MAML2: variants seen among roughly 807,000 people sequenced by gnomAD.
The protein encoded by MAML2 is mastermind-like protein 2.
A neutral mutation model predicts 96.1 loss-of-function variants in MAML2; 22 were observed. That is an observed-to-expected ratio of 0.23 (90% CI 0.16 to 0.33). The LOEUF is 0.33. MAML2 is among the 10% of genes least tolerant of loss of function. The pLI, the probability that MAML2 is intolerant of heterozygous loss-of-function variation, is 1.00. For missense variants in MAML2, 1,367 were observed against 1,392.4 expected, an observed-to-expected ratio of 0.98 and a Z score of 0.29; for synonymous variants, 561 against 521.3, an observed-to-expected ratio of 1.08 and a Z score of -1.04.
intron 1 of MAML2, among the ~76,000 whole-genome samples, chr11:96,146,644 A>G (rs75036038): frequency 0.1 from 15,780 of 152,212 alleles, 923 homozygotes; most frequent in East Asian, 0.18. Context: ...TTGCCATGAG[A>G]TAGGTACTCA....
intron 1 of MAML2, among the ~76,000 whole-genome samples, chr11:96,259,464 T>G (rs962086877): frequency 2.0e-5 from 3 of 151,932 alleles, no homozygotes; most frequent in African/African-American, 7.3e-5. Context: ...AGTGAAAAAC[T>G]TGTCTCCATC....
At chr11:96,195,792 A>C (rs146240169) in intron 1 of MAML2, among the ~76,000 whole-genome samples, 156 of 152,366 alleles carry the variant, frequency 1.0e-3, no homozygotes, top group African/African-American at 3.5e-3. Context: ...TTAGCAGTTT[A>C]TGAGAAAATT....
At chr11:96,320,302 T>A (rs112104971) in intron 1 of MAML2, among the ~76,000 whole-genome samples, 8 of 152,194 alleles carry the variant, frequency 5.3e-5, no homozygotes, top group Non-Finnish European at 1.2e-4. Context: ...GCTGACACAC[T>A]GGGAGGCTGG....
At chr11:96,126,891 A>G (rs1860447354) in intron 1 of MAML2, among the ~76,000 whole-genome samples, 1 of 146,892 alleles carries the variant, frequency 6.8e-6, no homozygotes, top group East Asian at 1.9e-4. Flanking sequence ...ATGACAGTGC[A>G]TGTGGTATGG....
At chr11:96,166,126 CTCTT>C (rs1388078251) in intron 1 of MAML2, among the ~76,000 whole-genome samples, 9 of 150,092 alleles carry the variant, frequency 6.0e-5, no homozygotes, top group East Asian at 2.0e-4. Context: ...CTCTCTGTCT[CTCTT>C]TCTCTGTCTC....
intron 1 of MAML2, among the ~76,000 whole-genome samples, chr11:96,275,150 G>A (rs537975914): frequency 6.6e-6 from 1 of 151,986 alleles, no homozygotes; most frequent in East Asian, 1.9e-4. Flanking sequence ...TAAAAATGCT[G>A]CAGAGAATAA....
intron 2 of MAML2, among the ~76,000 whole-genome samples, chr11:95,997,313 C>T (rs1475944716): frequency 6.6e-6 from 1 of 152,006 alleles, no homozygotes; most frequent in African/African-American, 2.4e-5. Context: ...TGTGTGCATG[C>T]GCATTTGAGA....
At chr11:96,328,417 G>A (rs915378430) in intron 1 of MAML2, among the ~76,000 whole-genome samples, 1 of 152,034 alleles carries the variant, frequency 6.6e-6, no homozygotes, top group Middle Eastern at 3.4e-3. Flanking sequence ...CAGCTTGAAT[G>A]AAATAAAATG....
rs554298945 is a variant in MAML2 at position 96,206,406 on chromosome 11, A to G, written c.514-112889T>C. On this transcript the variant is annotated intron_variant, in intron 1 of 4. Coordinates refer to ENST00000524717, the MANE Select transcript of MAML2 (RefSeq NM_032427.4). ...AAGTCAGGAGTTTGAGACCAGCCTG[A>G]CCAACATGGTAAAACCCTATCTCTA... Among the ~76,000 whole-genome samples, 11 of 152,190 alleles carry G rather than the reference A, an allele frequency of 7.2e-5. No homozygotes were observed. In the East Asian group the frequency reaches 2.1e-3, roughly 29 times the overall value.
intron 1 of MAML2, among the ~76,000 whole-genome samples, chr11:96,172,047 C>T (rs1300952588): frequency 6.6e-6 from 1 of 152,210 alleles, no homozygotes; most frequent in Non-Finnish European, 1.5e-5. Flanking sequence ...TGGGCAAAGC[C>T]CTGATTCAAC....
rs181091411 is a variant in MAML2 at position 96,342,364 on chromosome 11, C to A, written c.-469G>T. 379 of 399,766 alleles carry A rather than the reference C, an allele frequency of 9.5e-4. 1 individual carries two copies. Among genetic ancestry groups the A allele is most frequent in the African/African-American group, 7.3e-3 (358 of 48,722 alleles). The allele number at this position is 399,766 out of a possible 1,614,324, so 24.8% of individuals were successfully genotyped here. ...CTCCCCCTCACCTAGTTGTTTCCGA[C>A]AATTCTTTATGGGGATGTTTCTGCA... is the stretch of plus-strand genomic sequence containing the variant. On this transcript the variant is annotated 5_prime_UTR_variant, in exon 1 of 5. Transcript: ENST00000524717.
At chr11:96,001,982 C>G (rs1446744789) in intron 2 of MAML2, among the ~76,000 whole-genome samples, 5 of 152,152 alleles carry the variant, frequency 3.3e-5, no homozygotes, top group African/African-American at 9.7e-5. Context: ...CCTTTTCCTA[C>G]CAGGTGAACA....
intron 1 of MAML2, among the ~76,000 whole-genome samples, chr11:96,252,172 T>C (rs1028117369): frequency 1.3e-5 from 2 of 151,076 alleles, no homozygotes; most frequent in South Asian, 4.2e-4. Context: ...CTTCTCTCTC[T>C]CTACACACAC....
chr11:96,283,507 C>T (rs1403009632), intron 1 of MAML2, among the ~76,000 whole-genome samples: 1 of 152,164 alleles, frequency 6.6e-6, no homozygotes, highest in Non-Finnish European at 1.5e-5. Flanking sequence ...TGAAAATAAA[C>T]ACTAATGAAT....
intron 1 of MAML2, among the ~76,000 whole-genome samples, chr11:96,184,008 C>A (rs1861532988): frequency 6.6e-6 from 1 of 152,164 alleles, no homozygotes; most frequent in South Asian, 2.1e-4. Flanking sequence ...TATGTGGAGG[C>A]CAAAAGTTTG....
At chr11:96,146,369 TTGCTCATAG>T (rs1860820083) in intron 1 of MAML2, among the ~76,000 whole-genome samples, 1 of 152,226 alleles carries the variant, frequency 6.6e-6, no homozygotes, top group South Asian at 2.1e-4. Context: ...TACTCACTAC[TTGCTCATAG>T]TTGAAATGAT....
chr11:95,985,460 G>C (rs1030100917), intron 4 of MAML2, 71 bp downstream of exon 4: 4 of 818,108 alleles, frequency 4.9e-6, no homozygotes, highest in African/African-American at 3.5e-5. Context: ...TGAGTTACAG[G>C]GATTATTGAA....
chr11:95,991,800 A>G (rs1322956568), intron 2 of MAML2, 77 bp from the exon 3 acceptor site: 96 of 1,088,840 alleles, frequency 8.8e-5, no homozygotes, highest in Non-Finnish European at 1.3e-4. Context: ...TCATACACTC[A>G]GATTCCAAAC....
intron 2 of MAML2, among the ~76,000 whole-genome samples, chr11:96,051,469 A>T (rs753474615): frequency 6.6e-5 from 10 of 152,210 alleles, no homozygotes; most frequent in Non-Finnish European, 1.5e-4. Flanking sequence ...AATGTGTATT[A>T]TTCTACACAT....
Sources: gnomAD v4.1 joint callset for allele counts (sites outside exome capture counted in the v4.1 genomes callset) on GRCh38, gnomAD v4.1.1 for gene constraint, MANE v1.5 for transcripts, NCBI Gene and HGNC (gene_info 2026-07-23, HGNC 2026-07-21) for gene names.